Variants in TANGO2 observed in about 807,000 individuals in gnomAD.
TANGO2 encodes transport and golgi organization 2 homolog.
Under a neutral mutation model 39.1 loss-of-function variants are expected in TANGO2, and 26 were observed. The ratio of observed to expected loss-of-function variants is 0.67; its 90% CI spans 0.49 to 0.92. TANGO2 has a LOEUF of 0.92. Ranked by LOEUF, TANGO2 falls within the 40% of genes least tolerant of loss-of-function variation. TANGO2 has a pLI of 0.00. For synonymous variants in TANGO2, 131 were observed against 144.5 expected, an observed-to-expected ratio of 0.91 and a Z score of 0.67; for missense variants, 326 against 360.1, an observed-to-expected ratio of 0.91 and a Z score of 0.77.
rs988819921 is a variant in TANGO2 at position 20,043,515 on chromosome 22, C to T, written c.145+72C>T. On this transcript the variant is annotated intron_variant, in intron 3 of 8. Coordinates refer to ENST00000327374, the MANE Select transcript of TANGO2 (RefSeq NM_152906.7). ...CTAGCCCCTGCGTGGCCCGAGTGAC[C>T]CTAACTGAGTGGTGCTGCTTCCAAG... is the stretch of plus-strand genomic sequence containing the variant. 3.1e-5 allele frequency: 33 copies of T among 1,066,120 alleles called. No homozygotes were observed. The African/African-American group carries it at 4.4e-4, about 14-fold the overall frequency. The allele number at this position is 1,066,120 out of a possible 1,614,324, so 66.0% of individuals were successfully genotyped here.
Position 20,047,474 on chromosome 22 carries a change from A to G in TANGO2, c.145+4031A>G, listed in dbSNP as rs1305645352. ...GGTCTCGAACTCTTGACCTCAGGCA[A>G]TCCACCCGCCTCAGCCTCCCAAAAT... is the stretch of plus-strand genomic sequence containing the variant. On this transcript the variant is annotated intron_variant, in intron 3 of 8. Coordinates refer to ENST00000327374, the MANE Select transcript of TANGO2 (RefSeq NM_152906.7). 3.3e-5 allele frequency among the ~76,000 whole-genome samples: 5 copies of G among 152,060 alleles called. No individual in the cohort carries two copies. The South Asian group carries it at 8.3e-4, about 25-fold the overall frequency.
At chr22:20,022,799 G>T (rs2039969607) in intron 1 of TANGO2, among the ~76,000 whole-genome samples, 1 of 152,230 alleles carries the variant, frequency 6.6e-6, no homozygotes, top group Non-Finnish European at 1.5e-5. Context: ...CCCCAGAAGG[G>T]GTCTGGAGAG....
At chr22:20,044,535 G>GTCAA (rs113686204) in intron 3 of TANGO2, among the ~76,000 whole-genome samples, 8,808 of 138,634 alleles carry the variant, frequency 0.064, 825 homozygotes, top group African/African-American at 0.22. Flanking sequence ...CATTCAATCA[G>GTCAA]TCAATCAATC....
intron 8 of TANGO2, 53 bp from the exon 9 acceptor site, chr22:20,064,489 G>A: frequency 6.2e-7 from 1 of 1,607,802 alleles, no homozygotes; most frequent in Admixed American, 1.7e-5. Flanking sequence ...GCTGTGACAG[G>A]CAGGGCAGGG....
chr22:20,028,672 G>A (rs773058001), intron 1 of TANGO2, among the ~76,000 whole-genome samples: 4 of 152,230 alleles, frequency 2.6e-5, no homozygotes, highest in Non-Finnish European at 4.4e-5. Flanking sequence ...TGGGGTGGGC[G>A]ACTGGCACGG....
chr22:20,063,085 G>A, intron 7 of TANGO2: 1 of 421,560 alleles, frequency 2.4e-6, no homozygotes, highest in Non-Finnish European at 4.3e-6. Flanking sequence ...GAACTCGGGA[G>A]GTGGAAGTTG....
chr22:20,049,946 C>T lies in TANGO2; in HGVS notation c.146-2519C>T, dbSNP rs143522119. Among the ~76,000 whole-genome samples the T allele has an allele frequency of 4.7e-4, 72 of 152,240 alleles. 2 individuals are homozygous for T. In the East Asian group the frequency reaches 0.01, roughly 22 times the overall value. On this transcript the variant is annotated intron_variant, in intron 3 of 8. Transcript: ENST00000327374. ...TGTTGAGGCTGGGCACGGTGGCTCA[C>T]GCCTGTAATTCCAGCACTTTGGAAG...
chr22:20,049,234 A>G (rs1413145389), intron 3 of TANGO2, among the ~76,000 whole-genome samples: 3 of 152,190 alleles, frequency 2.0e-5, no homozygotes, highest in African/African-American at 7.2e-5. Flanking sequence ...GTTCATTACT[A>G]TGGCAACTTG....
intron 1 of TANGO2, among the ~76,000 whole-genome samples, chr22:20,026,373 G>A (rs1435475861): frequency 1.3e-5 from 2 of 149,014 alleles, no homozygotes; most frequent in Non-Finnish European, 3.0e-5. Flanking sequence ...ACTCCAGCCT[G>A]GGCGACATAG....
rs919149396 is a variant in TANGO2 at position 20,030,346 on chromosome 22, GT to G, written c.-39-6411del. ...CCACACCTGGCTAATTTGTTTGTTT[GT>G]TTGTTTGTTTGTTTTTTGAGATGGA... On this transcript the variant is annotated intron_variant, in intron 1 of 8. Transcript: ENST00000327374. Among the ~76,000 whole-genome samples, 18 of 151,438 alleles carry G rather than the reference GT, an allele frequency of 1.2e-4. No homozygotes were observed. The South Asian group carries it at 3.1e-3, about 26-fold the overall frequency.
intron 3 of TANGO2, among the ~76,000 whole-genome samples, chr22:20,044,263 G>A (rs1249111740): frequency 1.3e-5 from 2 of 152,178 alleles, no homozygotes; most frequent in East Asian, 1.9e-4. Context: ...GGGATTATAG[G>A]TGTGAACCCA....
intron 1 of TANGO2, among the ~76,000 whole-genome samples, chr22:20,034,279 T>C (rs1388534666): frequency 7.2e-5 from 11 of 152,236 alleles, no homozygotes; most frequent in Admixed American, 7.2e-4. Context: ...GCCCTGCAGA[T>C]GTTTCTGAGC....
chr22:20,018,831 G>C (rs5748501), upstream of TANGO2, among the ~76,000 whole-genome samples: 56,307 of 152,036 alleles, frequency 0.37, 10,641 homozygotes, highest in African/African-American at 0.42. Context: ...TGTAATCCCA[G>C]CACTTTGGGA....
At chr22:20,025,028 G>A (rs2040456431) in intron 1 of TANGO2, among the ~76,000 whole-genome samples, 1 of 151,904 alleles carries the variant, frequency 6.6e-6, no homozygotes, top group South Asian at 2.1e-4. Flanking sequence ...AGCCCTGGCA[G>A]GGAAGGAGGG....
At chr22:20,053,573 G>A in intron 5 of TANGO2, 22 bp downstream of exon 5, 2 of 1,520,780 alleles carry the variant, frequency 1.3e-6, no homozygotes, top group South Asian at 1.1e-5. Flanking sequence ...AGAGGGGGAT[G>A]GCGGCTCTGC....
chr22:20,058,668 C>T (rs1393730934), intron 6 of TANGO2, among the ~76,000 whole-genome samples: 1 of 151,448 alleles, frequency 6.6e-6, no homozygotes, highest in African/African-American at 2.4e-5. Flanking sequence ...AAGAAAAACT[C>T]ACCAGCATGG....
At chr22:20,031,446 G>A (rs62222173) in intron 1 of TANGO2, among the ~76,000 whole-genome samples, 7 of 152,226 alleles carry the variant, frequency 4.6e-5, no homozygotes, top group Non-Finnish European at 1.0e-4. Flanking sequence ...CTGTGCTGGT[G>A]TCGTAGGTCG....
At chr22:20,036,431 C>A (rs2042861928) in intron 1 of TANGO2, among the ~76,000 whole-genome samples, 1 of 152,190 alleles carries the variant, frequency 6.6e-6, no homozygotes, top group South Asian at 2.1e-4. Context: ...GTGGCTCCTG[C>A]CCTCACTTCT....
intron 2 of TANGO2, among the ~76,000 whole-genome samples, chr22:20,039,483 G>A (rs9606223): frequency 1.3e-5 from 2 of 151,766 alleles, no homozygotes; most frequent in Admixed American, 6.6e-5. Flanking sequence ...ACAAAAATTA[G>A]CCTGGCATGG....
Sources: allele counts gnomAD v4.1 joint callset (sites outside exome capture counted in the v4.1 genomes callset), GRCh38; gene constraint gnomAD v4.1.1; transcripts MANE v1.5; gene names NCBI Gene and HGNC (gene_info 2026-07-23, HGNC 2026-07-21).